The following NRDC variants were observed in gnomAD, a reference collection of about 807,000 sequenced individuals.
The protein encoded by NRDC is nardilysin.
In NRDC, 54 loss-of-function variants were observed where a neutral mutation model predicts 147.1. The ratio of observed to expected loss-of-function variants is 0.37; its 90% CI spans 0.29 to 0.46. The LOEUF (loss-of-function observed/expected upper bound fraction) is 0.46, where lower values mean the gene tolerates loss of function less well. Ranked by LOEUF, NRDC falls within the 20% of genes least tolerant of loss-of-function variation. The probability of loss-of-function intolerance (pLI) is 1.00; values close to 1 mark genes in which losing one functional copy is unlikely to be tolerated. For missense variants in NRDC, 1,082 were observed against 1,370.6 expected (o/e 0.79, Z 3.33); for synonymous variants, 440 against 482.1 (o/e 0.91, Z 1.14).
chr1:51,846,319 G>A (rs1681580909), intron 1 of NRDC, among the ~76,000 whole-genome samples: 2 of 152,060 alleles, frequency 1.3e-5, no homozygotes, highest in South Asian at 2.1e-4. Context: ...TCACCATGTT[G>A]GCCAGGCTGG....
chr1:51,847,091 A>G (rs1295358449), intron 1 of NRDC, among the ~76,000 whole-genome samples: 2 of 152,030 alleles, frequency 1.3e-5, no homozygotes, highest in African/African-American at 4.8e-5. Context: ...TCCCCACCAG[A>G]TCAGCTAGAC....
rs368494307 is a variant in NRDC, at chr1:51,789,294, T to C, written c.3398A>G (p.Asp1133Gly). The C allele has an allele frequency of 2.5e-6, 4 of 1,614,004 alleles. No homozygotes were observed. The highest frequency in any genetic ancestry group is 1.1e-5 in the South Asian group (1 of 91,082). ...GAGTGTTGTTGTGAAAGCCCTGATA[T>C]CAGTAATGGGGATGATACAATCTGC... Reference protein sequence around the residue: ...LLADCIIPITDIRAFTTTLNL... With the variant: ...LLADCIIPITGIRAFTTTLNL... The change falls in exon 31 of 31, where the codon GAT (aspartate) becomes GGT (glycine). Residue 1133 changes from aspartate (D) to glycine (G), a missense_variant. Asp to Gly is a moderately conservative substitution (Grantham distance 94). Transcript: ENST00000352171.
At chr1:51,790,429 TC>T (rs1408808261) in intron 29 of NRDC, 103 bp downstream of exon 29, 1 of 776,372 alleles carries the variant, frequency 1.3e-6, no homozygotes, top group East Asian at 2.5e-5. Flanking sequence ...GACTAGTGTT[TC>T]GAGTTTCTCT....
intron 21 of NRDC, 94 bp from the exon 22 acceptor site, chr1:51,798,505 T>C (rs1427373685): frequency 6.3e-6 from 7 of 1,114,442 alleles, no homozygotes; most frequent in South Asian, 1.6e-5. Context: ...CTATAAAGGA[T>C]GTGTTTCTAA....
intron 3 of NRDC, among the ~76,000 whole-genome samples, chr1:51,834,420 G>C (rs940025291): frequency 6.6e-6 from 1 of 151,890 alleles, no homozygotes; most frequent in African/African-American, 2.4e-5. Flanking sequence ...AACCTCCTGG[G>C]TTCAAGTGTC....
intron 24 of NRDC, among the ~76,000 whole-genome samples, chr1:51,793,209 T>C (rs1387749387): frequency 6.6e-6 from 1 of 152,222 alleles, no homozygotes; most frequent in Non-Finnish European, 1.5e-5. Context: ...TAGAAGCTAG[T>C]GCTAAGAGGT....
rs781209110 is a variant in NRDC at position 51,840,428 on chromosome 1, T to A, written c.428A>T (p.Asp143Val). 1 of 1,607,092 alleles carries A rather than the reference T, an allele frequency of 6.2e-7. No homozygotes were observed. Among genetic ancestry groups the A allele is most frequent in the Non-Finnish European group, 8.5e-7 (1 of 1,173,950 alleles). The change falls in exon 2 of 31, where the codon GAT (aspartate) becomes GTT (valine). Residue 143 changes from aspartate (D) to valine (V), a missense_variant. Transcript: ENST00000352171. The part of the protein sequence containing the change: ...MEGKTGNTTD[D>V]EEEEEVEEEE... ...TTCCTCCACCTCCTCTTCTTCTTCATCATCTGTTGTATTTCCTGTTTTACC... is the reference window on the plus strand; with the variant it reads ...TTCCTCCACCTCCTCTTCTTCTTCAACATCTGTTGTATTTCCTGTTTTACC...
At position 51,823,776 on chromosome 1, in the gene NRDC, C is replaced by T; in HGVS notation, c.1047G>A (p.Glu349=). The T allele has an allele frequency of 6.3e-7, 1 of 1,591,854 alleles. No homozygotes were observed. The highest frequency in any genetic ancestry group is 8.6e-7 in the Non-Finnish European group (1 of 1,168,926). The change falls in exon 7 of 31, where the codon GAG becomes GAA. Residue 349 remains glutamate, a synonymous_variant. Transcript: ENST00000352171. ...TCTTTCTTGGCTCATGCTTGAGCGT[C>T]TCAGCATTTCCTATAAAAGAATGAA... ...PMGKFFWGNA[E]TLKHEPRKNN...
intron 7 of NRDC, among the ~76,000 whole-genome samples, chr1:51,823,171 CCATAGAGGTATT>C (rs1035557007): frequency 3.9e-5 from 6 of 152,080 alleles, no homozygotes; most frequent in Admixed American, 3.9e-4. Context: ...GATAGTTCTG[CCATAGAGGTATT>C]CATCAGTATT....
chr1:51,822,798 G>A (rs930180154), intron 7 of NRDC, among the ~76,000 whole-genome samples: 5 of 152,118 alleles, frequency 3.3e-5, no homozygotes, highest in African/African-American at 4.8e-5. Flanking sequence ...ACCATACCAC[G>A]AAACTTTACC....
intron 1 of NRDC, among the ~76,000 whole-genome samples, chr1:51,873,343 T>C (rs1194987613): frequency 2.6e-5 from 4 of 152,170 alleles, no homozygotes; most frequent in Non-Finnish European, 5.9e-5. Flanking sequence ...GTGTTCTCAA[T>C]GCAACTGTTC....
At position 51,814,789 on chromosome 1, in the gene NRDC, AC is replaced by A; in HGVS notation, c.1463del (p.Gly488ValfsTer23). 6.2e-7 allele frequency: 1 copy of A among 1,606,802 alleles called. No homozygotes were observed. The highest frequency in any genetic ancestry group is 1.7e-4 in the Middle Eastern group (1 of 6,000). Reference sequence around the variant, plus strand: ...GCTCAAATCCTGTCTCACCATTTCCACCAAACAGTGCAAGAGCCCAGCATCT... The same window carrying A: ...GCTCAAATCCTGTCTCACCATTTCCACAAACAGTGCAAGAGCCCAGCATCT... ...RKKCWALALFGGNGETGFEQN... is the reference protein window; with the variant it reads ...RKKCWALALFXGNGETGFEQN... On this transcript the variant is annotated frameshift_variant, in exon 12 of 31. Coordinates refer to ENST00000352171, the MANE Select transcript of NRDC (RefSeq NM_001101662.2). LOFTEE classifies it high-confidence loss of function.
intron 9 of NRDC, 45 bp from the exon 10 acceptor site, chr1:51,818,180 T>G: frequency 7.7e-7 from 1 of 1,294,208 alleles, no homozygotes; most frequent in Non-Finnish European, 1.1e-6. Context: ...AGTGTTTCTC[T>G]ATGACTTTTA....
chr1:51,837,381 C>A, intron 2 of NRDC: 1 of 1,115,006 alleles, frequency 9.0e-7, no homozygotes, highest in Non-Finnish European at 1.2e-6. Flanking sequence ...ACTATAAACC[C>A]CATTTTGAAG....
chr1:51,878,437 C>A lies in NRDC; in HGVS notation c.179G>T (p.Cys60Phe). 1 of 1,614,142 alleles carries A rather than the reference C, an allele frequency of 6.2e-7. No individual in the cohort carries two copies. The highest frequency in any genetic ancestry group is 8.5e-7 in the Non-Finnish European group (1 of 1,180,052). The change falls in exon 1 of 31, where the codon TGC becomes TTC. Residue 60 changes from cysteine (C) to phenylalanine (F), a missense_variant. Transcript: ENST00000352171. Reference protein sequence around the residue: ...MPGRNKAKSTCSCPDLQPNGQ... With the variant: ...MPGRNKAKSTFSCPDLQPNGQ... ...ATTGGGCTGCAGGTCAGGGCAGCTG[C>A]AGGTAGACTTCGCCTTGTTCCTTCC...
chr1:51,815,414 A>C (rs1229325428), intron 11 of NRDC, among the ~76,000 whole-genome samples: 7 of 152,164 alleles, frequency 4.6e-5, no homozygotes, highest in Admixed American at 4.6e-4. Flanking sequence ...TGAGGCTGTC[A>C]GCTAACCTAC....
intron 7 of NRDC, 138 bp downstream of exon 7, chr1:51,823,526 C>G: frequency 1.6e-6 from 1 of 634,018 alleles, no homozygotes; most frequent in Non-Finnish European, 2.5e-6. Context: ...GTGACATCTC[C>G]AAGTTCTGAT....
chr1:51,795,366 C>T, intron 22 of NRDC: 1 of 409,904 alleles, frequency 2.4e-6, no homozygotes. Flanking sequence ...GTACTAAGGA[C>T]TCTGTATCAA....
At chr1:51,855,453 T>C in intron 1 of NRDC, among the ~76,000 whole-genome samples, 1 of 150,558 alleles carries the variant, frequency 6.6e-6, no homozygotes, top group South Asian at 2.1e-4. Context: ...TGAAGAAAAT[T>C]TGTACCAAAC....
Sources: gnomAD v4.1 joint callset for allele counts (sites outside exome capture counted in the v4.1 genomes callset) on GRCh38, gnomAD v4.1.1 for gene constraint, MANE v1.5 for transcripts, NCBI Gene and HGNC (gene_info 2026-07-23, HGNC 2026-07-21) for gene names.